The following DFFB variants were observed in gnomAD, a reference collection of about 807,000 sequenced individuals.
The protein encoded by DFFB is DNA fragmentation factor 40 kDa subunit.
Under a neutral mutation model 32.7 loss-of-function variants are expected in DFFB, and 29 were observed. The ratio of observed to expected loss-of-function variants is 0.89; its 90% CI spans 0.66 to 1.21. The LOEUF is 1.21. Among genes scored for constraint, DFFB ranks in the 50% most tolerant of loss-of-function variants. The pLI, the probability that DFFB is intolerant of heterozygous loss-of-function variation, is 0.00. For missense variants in DFFB, 398 were observed against 440.6 expected (o/e 0.90, Z 0.87); for synonymous variants, 170 against 177.1 (o/e 0.96, Z 0.32).
At chr1:3,864,178 G>C (rs1451653227) in intron 2 of DFFB, among the ~76,000 whole-genome samples, 1 of 152,088 alleles carries the variant, frequency 6.6e-6, no homozygotes, top group Non-Finnish European at 1.5e-5. Flanking sequence ...TGTTGGCCAG[G>C]ATGGTCGCGA....
intron 2 of DFFB, among the ~76,000 whole-genome samples, chr1:3,862,171 A>G (rs945210783): frequency 3.3e-5 from 5 of 152,248 alleles, no homozygotes; most frequent in Non-Finnish European, 5.9e-5. Flanking sequence ...AAATTGTAAT[A>G]CTTATATTCT....
intron 6 of DFFB, among the ~76,000 whole-genome samples, chr1:3,877,592 A>G (rs1645250846): frequency 6.6e-6 from 1 of 151,854 alleles, no homozygotes; most frequent in South Asian, 2.1e-4. Context: ...AGCCTCCCAA[A>G]GTGCTGGGAT....
At chr1:3,871,362 C>T (rs1386319773) in intron 5 of DFFB, among the ~76,000 whole-genome samples, 1 of 152,244 alleles carries the variant, frequency 6.6e-6, no homozygotes, top group Non-Finnish European at 1.5e-5. Context: ...TCTCGGCTCA[C>T]TGCAACCTCT....
chr1:3,858,767 T>A lies in DFFB; in HGVS notation c.164T>A (p.Leu55Gln). 6.2e-7 allele frequency: 1 copy of A among 1,614,202 alleles called. No individual in the cohort carries two copies. Among genetic ancestry groups the A allele is most frequent in the Non-Finnish European group, 8.5e-7 (1 of 1,180,044 alleles). The change falls in exon 2 of 7, where the codon CTG becomes CAG. Residue 55 changes from leucine to glutamine, a missense_variant. Physicochemically the swap from Leu to Gln is moderately radical, Grantham distance 113 (BLOSUM62 -2). Coordinates refer to ENST00000378209, the MANE Select transcript of DFFB (RefSeq NM_004402.4). Reference sequence around the variant, plus strand: ...TGCCTGTACGAGGATGGCACGGAGCTGACGGAAGATTACTTCCCCAGTGTT... The same window carrying A: ...TGCCTGTACGAGGATGGCACGGAGCAGACGGAAGATTACTTCCCCAGTGTT... Reference protein sequence around the residue: ...RLCLYEDGTELTEDYFPSVPD... With the variant: ...RLCLYEDGTEQTEDYFPSVPD...
intron 2 of DFFB, chr1:3,860,312 G>A (rs552496807): frequency 2.5e-4 from 70 of 275,702 alleles, no homozygotes; most frequent in Non-Finnish European, 4.9e-4. Flanking sequence ...CTGTAGCCTC[G>A]ACCTCCGTGT....
In DFFB at chr1:3,857,635, G is replaced by C. The variant is rs1016800195; in HGVS notation, c.32G>C (p.Arg11Pro). 2.5e-6 allele frequency: 4 copies of C among 1,601,254 alleles called. No individual in the cohort carries two copies. The highest frequency in any genetic ancestry group is 2.3e-5 in the East Asian group (1 of 44,004). The change falls in exon 1 of 7, where the codon CGG becomes CCG. Residue 11 changes from arginine (R) to proline (P), a missense_variant. Physicochemically the swap from Arg to Pro is moderately radical, Grantham distance 103. Coordinates refer to ENST00000378209, the MANE Select transcript of DFFB (RefSeq NM_004402.4). Reference sequence around the variant, plus strand: ...CAGAAGCCCAAGAGCGTGAAGCTGCGGGCCCTGCGCAGCCCGAGGAAGTTC... The same window carrying C: ...CAGAAGCCCAAGAGCGTGAAGCTGCCGGCCCTGCGCAGCCCGAGGAAGTTC... MLQKPKSVKL[R>P]ALRSPRKFGV...
rs753901763 is a variant in DFFB at position 3,883,679 on chromosome 1, A to G, written c.955A>G (p.Ser319Gly). 3 of 1,614,132 alleles carry G rather than the reference A, an allele frequency of 1.9e-6. No homozygotes were observed. Among genetic ancestry groups the G allele is most frequent in the Non-Finnish European group, 2.5e-6 (3 of 1,180,022 alleles). ...CACCCACAAGCTCAACTGTGACCCAAGCAGAATCTACAAACCCCAGACAAG... is the reference window on the plus strand; with the variant it reads ...CACCCACAAGCTCAACTGTGACCCAGGCAGAATCTACAAACCCCAGACAAG... Reference protein sequence around the residue: ...KTTHKLNCDPSRIYKPQTRLK... With the variant: ...KTTHKLNCDPGRIYKPQTRLK... The change falls in exon 7 of 7, where the codon AGC (serine) becomes GGC (glycine). Residue 319 changes from serine (S) to glycine (G), a missense_variant. Ser to Gly is a moderately conservative substitution (Grantham distance 56, BLOSUM62 0). Transcript: ENST00000378209.
At chr1:3,860,429 A>G (rs564866916) in intron 2 of DFFB, 160 of 429,548 alleles carry the variant, frequency 3.7e-4, no homozygotes, top group African/African-American at 3.1e-3. Context: ...GGGTTTCGCC[A>G]TGTTTCCCAG....
chr1:3,860,352 A>T (rs934932431), intron 2 of DFFB: 13 of 337,090 alleles, frequency 3.9e-5, no homozygotes, highest in African/African-American at 2.7e-4. Context: ...TCAGCCTCCC[A>T]AGTATCTGGG....
chr1:3,880,640 C>T (rs555503719), intron 6 of DFFB, among the ~76,000 whole-genome samples: 25 of 151,078 alleles, frequency 1.7e-4, no homozygotes, highest in African/African-American at 4.9e-4. Flanking sequence ...AAGTGCTTCC[C>T]GTAGGCCTCC....
At chr1:3,866,448 G>A (rs1644982488) in intron 3 of DFFB, 1 of 215,158 alleles carries the variant, frequency 4.6e-6, no homozygotes, top group Non-Finnish European at 9.6e-6. Context: ...TAGAGATGAG[G>A]TTTCGCCATG....
intron 3 of DFFB, chr1:3,866,264 A>G (rs971793952): frequency 1.8e-6 from 1 of 543,438 alleles, no homozygotes; most frequent in African/African-American, 1.9e-5. Context: ...TTTGAGATGG[A>G]GTCTTGCTCT....
Position 3,865,468 on chromosome 1 carries a change from G to A in DFFB, c.242-344G>A, listed in dbSNP as rs559335359. On this transcript the variant is annotated intron_variant, in intron 2 of 6. Coordinates refer to ENST00000378209, the MANE Select transcript of DFFB (RefSeq NM_004402.4). This position sits in a 1 kb window ranked among gnomAD's most constrained non-coding sequence, Gnocchi z 4.7. ...CCAGGAGAGAGTAGGAAAAGTGATC[G>A]GAAGGATCTGAAAGCAAGGTCTCCA... 1.1e-4 allele frequency among the ~76,000 whole-genome samples: 16 copies of A among 152,280 alleles called. No individual in the cohort carries two copies. Among genetic ancestry groups the A allele is most frequent in the South Asian group, 2.1e-4 (1 of 4,828 alleles).
chr1:3,880,502 T>C (rs1345778299), intron 6 of DFFB, among the ~76,000 whole-genome samples: 15 of 152,216 alleles, frequency 9.9e-5, no homozygotes. Flanking sequence ...GTGAGGGTCC[T>C]TGTGGACTGT....
intron 4 of DFFB, among the ~76,000 whole-genome samples, chr1:3,869,129 A>G (rs939965099): frequency 6.6e-6 from 1 of 152,146 alleles, no homozygotes; most frequent in African/African-American, 2.4e-5. Context: ...GTGCAATCTC[A>G]GCTCACTGCA....
rs914317222 is a variant in DFFB at position 3,865,406 on chromosome 1, C to T, written c.242-406C>T. Reference sequence around the variant, plus strand: ...TTTAACTTCCTATTAAGAGCCTGCCCGGAGAGCTCGCTGCTTTAGGGAGTT... The same window carrying T: ...TTTAACTTCCTATTAAGAGCCTGCCTGGAGAGCTCGCTGCTTTAGGGAGTT... On this transcript the variant is annotated intron_variant, in intron 2 of 6. Coordinates refer to ENST00000378209, the MANE Select transcript of DFFB (RefSeq NM_004402.4). This position sits in a 1 kb window ranked among gnomAD's most constrained non-coding sequence, Gnocchi z 4.7. Among the ~76,000 whole-genome samples, 4 of 152,032 alleles carry T rather than the reference C, an allele frequency of 2.6e-5. No homozygotes were observed. Among genetic ancestry groups the T allele is most frequent in the African/African-American group, 4.8e-5 (2 of 41,358 alleles).
rs139836683 is a variant in DFFB, at chr1:3,865,987, G to A, written c.417G>A (p.Pro139=). Residue 139 remains proline (P), a synonymous_variant, in exon 3 of 7, where the codon CCG becomes CCA. Coordinates refer to ENST00000378209, the MANE Select transcript of DFFB (RefSeq NM_004402.4). The surrounding 1 kb of genome is among the most constrained non-coding windows in gnomAD (Gnocchi z 4.7). ...NIAAETRAED[P]PWFEGLESRF... Reference sequence around the variant, plus strand: ...CGGCCGAGACCCGGGCTGAGGACCCGCCGTGGTTTGAAGGTGCGTGGGGGC... The same window carrying A: ...CGGCCGAGACCCGGGCTGAGGACCCACCGTGGTTTGAAGGTGCGTGGGGGC... 14 of 1,567,574 alleles carry A rather than the reference G, an allele frequency of 8.9e-6. No homozygotes were observed. In the Admixed American group the frequency reaches 1.1e-4, roughly 12 times the overall value.
chr1:3,867,712 G>A (rs72848464), intron 3 of DFFB: 16,079 of 423,240 alleles, frequency 0.038, 649 homozygotes, highest in African/African-American at 0.14. Flanking sequence ...AGTGAGCCAG[G>A]TGTGGTAGTG....
chr1:3,864,168 T>C (rs1246820380), intron 2 of DFFB, among the ~76,000 whole-genome samples: 1 of 152,084 alleles, frequency 6.6e-6, no homozygotes, highest in Non-Finnish European at 1.5e-5. Context: ...GGTTTCACCA[T>C]GTTGGCCAGG....
Sources: allele counts gnomAD v4.1 joint callset (sites outside exome capture counted in the v4.1 genomes callset), GRCh38; gene constraint gnomAD v4.1.1; non-coding constraint Gnocchi (gnomAD v3.1); transcripts MANE v1.5; gene names NCBI Gene and HGNC (gene_info 2026-07-23, HGNC 2026-07-21).